Variants in KANSL1 observed in about 807,000 individuals in gnomAD.
KANSL1 encodes the protein MLL1/MLL complex subunit KANSL1.
Under a neutral mutation model 103.6 loss-of-function variants are expected in KANSL1, and 22 were observed. That is an observed-to-expected ratio of 0.21 (90% CI 0.15 to 0.30). The LOEUF (loss-of-function observed/expected upper bound fraction) is 0.30, where lower values mean the gene tolerates loss of function less well. Among genes scored for constraint, KANSL1 ranks in the 10% least tolerant of loss-of-function variants. KANSL1 has a pLI of 1.00. For synonymous variants in KANSL1, 600 were observed against 527.6 expected (o/e 1.14, Z -1.88); for missense variants, 1,337 against 1,399.8 (o/e 0.96, Z 0.72).
At chr17:46,086,645 G>A (rs2079174797) in intron 3 of KANSL1, among the ~76,000 whole-genome samples, 1 of 152,210 alleles carries the variant, frequency 6.6e-6, no homozygotes, top group East Asian at 1.9e-4. Context: ...ATAGGATAGT[G>A]AGGGGATTAA....
At chr17:46,101,863 T>G (rs1332496637) in intron 2 of KANSL1, among the ~76,000 whole-genome samples, 1 of 151,744 alleles carries the variant, frequency 6.6e-6, no homozygotes, top group Non-Finnish European at 1.5e-5. Flanking sequence ...AGAATAAGAT[T>G]AAAGAAAAAC....
intron 2 of KANSL1, among the ~76,000 whole-genome samples, chr17:46,106,415 T>C (rs2042569033): frequency 6.6e-6 from 1 of 152,216 alleles, no homozygotes; most frequent in Non-Finnish European, 1.5e-5. Context: ...GTTTTTGAGA[T>C]GGAGTCTCGC....
intron 3 of KANSL1, 160 bp downstream of exon 3, chr17:46,094,395 CCACAT>C: frequency 1.2e-6 from 1 of 844,498 alleles, no homozygotes; most frequent in Non-Finnish European, 1.8e-6. Context: ...CCACGCGCAG[CCACAT>C]CAGGTTCTTA....
intron 3 of KANSL1, 27 bp from the exon 4 acceptor site, chr17:46,082,569 C>T: frequency 7.6e-7 from 1 of 1,312,476 alleles, no homozygotes; most frequent in Non-Finnish European, 1.1e-6. Flanking sequence ...AGAAAAATAG[C>T]ATAAGTGAGC....
intron 2 of KANSL1, among the ~76,000 whole-genome samples, chr17:46,151,551 A>G (rs2045105291): frequency 2.6e-5 from 4 of 152,194 alleles, no homozygotes; most frequent in Admixed American, 2.6e-4. Flanking sequence ...TTCGGTCATT[A>G]TTTACTTATC....
chr17:46,051,553 G>A (rs1012854170), intron 6 of KANSL1, among the ~76,000 whole-genome samples: 1 of 152,184 alleles, frequency 6.6e-6, no homozygotes, highest in African/African-American at 2.4e-5. Context: ...GCAAATTTCA[G>A]GTCATGCTGA....
chr17:46,189,518 T>C (rs1254360770), intron 1 of KANSL1, among the ~76,000 whole-genome samples: 1 of 152,270 alleles, frequency 6.6e-6, no homozygotes. Context: ...CATTACTCTT[T>C]AAACATGGCG....
chr17:46,114,008 T>C (rs549970575), intron 2 of KANSL1, among the ~76,000 whole-genome samples: 15 of 152,284 alleles, frequency 9.9e-5, no homozygotes, highest in African/African-American at 3.6e-4. Flanking sequence ...GATTAAATGA[T>C]TTGCCCAGAG....
At chr17:46,061,599 T>C (rs1265264483) in intron 6 of KANSL1, among the ~76,000 whole-genome samples, 2 of 152,170 alleles carry the variant, frequency 1.3e-5, no homozygotes, top group Non-Finnish European at 2.9e-5. Flanking sequence ...AAAATTATGA[T>C]TTAGGAAGTA....
chr17:46,091,993 A>G (rs1442544987), intron 3 of KANSL1, among the ~76,000 whole-genome samples: 1 of 151,808 alleles, frequency 6.6e-6, no homozygotes, highest in Non-Finnish European at 1.5e-5. Flanking sequence ...ATTTTTTTGT[A>G]TTTTTCATAG....
At chr17:46,082,355 G>A (rs1216419706) in intron 4 of KANSL1, 86 bp downstream of exon 4, 2 of 775,512 alleles carry the variant, frequency 2.6e-6, no homozygotes, top group African/African-American at 1.7e-5. Context: ...GCCAATGCAA[G>A]GATCCTAGTT....
intron 4 of KANSL1, 28 bp downstream of exon 4, chr17:46,082,413 T>C: frequency 6.9e-7 from 1 of 1,443,642 alleles, no homozygotes; most frequent in South Asian, 1.2e-5. Context: ...TTCTCACGCA[T>C]TTCCCCCTTT....
intron 4 of KANSL1, among the ~76,000 whole-genome samples, chr17:46,077,746 T>G (rs956620350): frequency 6.6e-6 from 1 of 151,858 alleles, no homozygotes; most frequent in South Asian, 2.1e-4. Flanking sequence ...TTAGTAGAGA[T>G]AGGGTTTCAC....
chr17:46,193,114 C>A lies in KANSL1; in HGVS notation c.-381G>T, dbSNP rs1178456266. On this transcript the variant is annotated 5_prime_UTR_variant, in exon 1 of 15. Coordinates refer to ENST00000432791, the MANE Select transcript of KANSL1 (RefSeq NM_015443.4). ...CCGCACCGACGGGGCCCGAGCACGG[C>A]TGGAGACCGCAGCCCGGCCGGGAGG... 11 of 152,356 alleles carry A rather than the reference C, an allele frequency of 7.2e-5. No individual in the cohort carries two copies. The East Asian group carries it at 1.8e-3, about 25-fold the overall frequency. 9.4% of individuals were successfully genotyped at this position (152,356 alleles called of 1,614,324 possible). A position where few individuals can be genotyped will look rare whatever the true frequency, so the allele number is the denominator to read the frequency against.
At chr17:46,225,292 C>A (rs1193364952), upstream of KANSL1, 1 of 152,546 alleles carries the variant, frequency 6.6e-6, no homozygotes, top group Non-Finnish European at 1.5e-5. Context: ...CGTGCCCCCA[C>A]CCCCAGGGGC....
chr17:46,138,287 TTCAA>T (rs1278960358), intron 2 of KANSL1, among the ~76,000 whole-genome samples: 6 of 152,342 alleles, frequency 3.9e-5, no homozygotes, highest in South Asian at 4.1e-4. Context: ...TATTCATGGA[TTCAA>T]TCAATCAAAC....
At chr17:46,109,149 T>C (rs1466146357) in intron 2 of KANSL1, among the ~76,000 whole-genome samples, 1 of 152,130 alleles carries the variant, frequency 6.6e-6, no homozygotes, top group Admixed American at 6.5e-5. Flanking sequence ...AGCCTCACGA[T>C]GTTGCCCAGG....
intron 2 of KANSL1, among the ~76,000 whole-genome samples, chr17:46,120,378 A>G (rs1331339331): frequency 6.6e-6 from 1 of 152,072 alleles, no homozygotes; most frequent in Non-Finnish European, 1.5e-5. Context: ...GTTACAGGGG[A>G]CTCTTGTGTC....
At chr17:46,150,833 T>C (rs571534996) in intron 2 of KANSL1, among the ~76,000 whole-genome samples, 3 of 151,572 alleles carry the variant, frequency 2.0e-5, no homozygotes, top group South Asian at 4.1e-4. Flanking sequence ...CTGGGAAAAC[T>C]AGGAATAACG....
Sources: allele counts gnomAD v4.1 joint callset (sites outside exome capture counted in the v4.1 genomes callset), GRCh38; gene constraint gnomAD v4.1.1; transcripts MANE v1.5; gene names NCBI Gene and HGNC (gene_info 2026-07-23, HGNC 2026-07-21).